RIC1: variants seen among roughly 807,000 people sequenced by gnomAD.
RIC1 encodes guanine nucleotide exchange factor subunit RIC1.
Under a neutral mutation model 169.0 loss-of-function variants are expected in RIC1, and 88 were observed. The ratio of observed to expected loss-of-function variants is 0.52; its 90% CI spans 0.44 to 0.62. The LOEUF (loss-of-function observed/expected upper bound fraction) is 0.62, where lower values mean the gene tolerates loss of function less well. Among genes scored for constraint, RIC1 ranks in the 20% least tolerant of loss-of-function variants. The probability of loss-of-function intolerance (pLI) is 0.00; values close to 1 mark genes in which losing one functional copy is unlikely to be tolerated. For synonymous variants in RIC1, 790 were observed against 601.5 expected (o/e 1.31, Z -4.59); for missense variants, 1,877 against 1,725.5 (o/e 1.09, Z -1.56).
intron 2 of RIC1, among the ~76,000 whole-genome samples, chr9:5,669,570 C>G (rs1280916454): frequency 1.3e-5 from 2 of 152,096 alleles, no homozygotes; most frequent in Non-Finnish European, 2.9e-5. Flanking sequence ...GCCCATATGA[C>G]ATCAAAATTC....
intron 1 of RIC1, among the ~76,000 whole-genome samples, chr9:5,635,586 T>C (rs1297925612): frequency 6.6e-6 from 1 of 152,212 alleles, no homozygotes; most frequent in Non-Finnish European, 1.5e-5. Flanking sequence ...TACTATAGCT[T>C]TGTAATATAC....
chr9:5,759,003 A>C (rs761171504), intron 17 of RIC1, among the ~76,000 whole-genome samples: 2 of 152,084 alleles, frequency 1.3e-5, no homozygotes, highest in African/African-American at 4.8e-5. Context: ...TCGGCCTCCC[A>C]AAGTGCTGGG....
At chr9:5,709,492 A>G (rs1822802988) in intron 3 of RIC1, among the ~76,000 whole-genome samples, 1 of 152,210 alleles carries the variant, frequency 6.6e-6, no homozygotes, top group Non-Finnish European at 1.5e-5. Context: ...TCTCTGAAAA[A>G]GTGGAGATAA....
chr9:5,770,355 C>T (rs535974748), intron 23 of RIC1, 77 bp downstream of exon 23: 1 of 1,225,878 alleles, frequency 8.2e-7, no homozygotes, highest in Non-Finnish European at 1.2e-6. Context: ...AGAGATAGAC[C>T]TTCATTCTTT....
intron 12 of RIC1, among the ~76,000 whole-genome samples, chr9:5,750,400 GGGTATCA>G (rs1408834737): frequency 1.5e-4 from 23 of 151,980 alleles, no homozygotes; most frequent in Admixed American, 1.4e-3. Context: ...AGCACCTACA[GGGTATCA>G]GGCACTATGT....
At chr9:5,730,121 G>A (rs754840663) in intron 6 of RIC1, among the ~76,000 whole-genome samples, 8 of 152,180 alleles carry the variant, frequency 5.3e-5, no homozygotes, top group Admixed American at 4.6e-4. Flanking sequence ...CAGTACCTAT[G>A]TATTAATGGT....
intron 2 of RIC1, among the ~76,000 whole-genome samples, chr9:5,664,580 T>C (rs1819641624): frequency 6.6e-6 from 1 of 152,134 alleles, no homozygotes; most frequent in Admixed American, 6.5e-5. Flanking sequence ...AATCTGATGA[T>C]TATATGTCTT....
In RIC1 at chr9:5,732,396, T is replaced by G. The variant is rs147866755; in HGVS notation, c.729T>G (p.His243Gln). 7 of 1,608,416 alleles carry G rather than the reference T, an allele frequency of 4.4e-6. No homozygotes were observed. The African/African-American group carries it at 9.4e-5, about 22-fold the overall frequency. Residue 243 changes from histidine (H) to glutamine (Q), a missense_variant, in exon 7 of 26, where the codon CAT becomes CAG. By Grantham distance (24) the His-to-Gln change is conservative. This residue lies in a region of RIC1 where 1,104 missense variants were observed against 992.0 expected (regional missense o/e 1.11). Coordinates refer to ENST00000414202, the MANE Select transcript of RIC1 (RefSeq NM_020829.4). ...VSSRFTAEQL[H>Q]GVWPQDVVDG... ...ATTTTTCTTTATTATAGCAGCTTCA[T>G]GGAGTTTGGCCACAAGATGTTGTTG...
chr9:5,727,016 C>G (rs1342273488), intron 6 of RIC1, among the ~76,000 whole-genome samples: 1 of 152,132 alleles, frequency 6.6e-6, no homozygotes, highest in Non-Finnish European at 1.5e-5. Context: ...TTTGGTGAGT[C>G]TGACAATTAT....
intron 12 of RIC1, 23 bp downstream of exon 12, chr9:5,747,528 C>CAG (rs754505612): frequency 9.0e-5 from 141 of 1,574,170 alleles, no homozygotes; most frequent in Non-Finnish European, 1.2e-4. Context: ...TTACTGATTA[C>CAG]TAGAGACTTA....
chr9:5,653,620 C>T (rs751655431), intron 1 of RIC1, among the ~76,000 whole-genome samples: 6 of 149,516 alleles, frequency 4.0e-5, no homozygotes, highest in South Asian at 2.1e-4. Flanking sequence ...TTTTTTGAGA[C>T]GGAGTTTCAC....
At chr9:5,764,727 T>C (rs780601369) in intron 19 of RIC1, among the ~76,000 whole-genome samples, 4 of 152,192 alleles carry the variant, frequency 2.6e-5, no homozygotes, top group Non-Finnish European at 4.4e-5. Flanking sequence ...GTTTTAAAAA[T>C]AGAATCAAAA....
intron 25 of RIC1, among the ~76,000 whole-genome samples, chr9:5,773,561 G>T (rs1827375907): frequency 6.6e-6 from 1 of 152,204 alleles, no homozygotes; most frequent in South Asian, 2.1e-4. Flanking sequence ...GTTAATGTGT[G>T]TATTTGGAGC....
chr9:5,743,983 G>T (rs908025304), intron 10 of RIC1, among the ~76,000 whole-genome samples: 1 of 152,044 alleles, frequency 6.6e-6, no homozygotes, highest in African/African-American at 2.4e-5. Context: ...TTGATTTTTA[G>T]TAGAGACGTG....
At chr9:5,657,451 C>A (rs1312671383) in intron 2 of RIC1, among the ~76,000 whole-genome samples, 1 of 152,044 alleles carries the variant, frequency 6.6e-6, no homozygotes, top group African/African-American at 2.4e-5. Flanking sequence ...TGGATCATCC[C>A]ATTTAATCTT....
intron 6 of RIC1, among the ~76,000 whole-genome samples, chr9:5,729,854 T>G (rs1386895427): frequency 6.6e-6 from 1 of 152,138 alleles, no homozygotes; most frequent in African/African-American, 2.4e-5. Context: ...AAACTCTTTT[T>G]TTTTTCCTAT....
At chr9:5,772,027 A>T (rs1023519269) in intron 23 of RIC1, among the ~76,000 whole-genome samples, 1 of 152,242 alleles carries the variant, frequency 6.6e-6, no homozygotes, top group African/African-American at 2.4e-5. Flanking sequence ...TCCATTAAGT[A>T]TTCAGATTTC....
chr9:5,755,715 G>C (rs1169809630), intron 15 of RIC1, among the ~76,000 whole-genome samples: 3 of 152,144 alleles, frequency 2.0e-5, no homozygotes, highest in Non-Finnish European at 4.4e-5. Context: ...CTGAGGTCAG[G>C]AGTTCAAGAC....
rs1271065420 is a variant in RIC1 at position 5,762,596 on chromosome 9, A to G, written c.2048A>G (p.Gln683Arg). The G allele has an allele frequency of 1.2e-6, 2 of 1,613,984 alleles. No homozygotes were observed. Among genetic ancestry groups the G allele is most frequent in the Non-Finnish European group, 1.7e-6 (2 of 1,179,946 alleles). The change falls in exon 18 of 26, where the codon CAG becomes CGG. Residue 683 changes from glutamine to arginine, a missense_variant. Gln to Arg is a conservative substitution (Grantham distance 43). This residue lies in a region of RIC1 where 1,104 missense variants were observed against 992.0 expected (regional missense o/e 1.11). Coordinates refer to ENST00000414202, the MANE Select transcript of RIC1 (RefSeq NM_020829.4). ...LNLAGQLIMMQRDRSGPQIRE... is the reference protein window; with the variant it reads ...LNLAGQLIMMRRDRSGPQIRE... ...CTGGCAGGACAGCTCATCATGATGC[A>G]GAGGGACAGGTCAGGCCCACAGATC...
Sources: gnomAD v4.1 joint callset for allele counts (sites outside exome capture counted in the v4.1 genomes callset) on GRCh38, gnomAD v4.1.1 for gene constraint, gnomAD v4.1.1 regional missense constraint, MANE v1.5 for transcripts, NCBI Gene and HGNC (gene_info 2026-07-23, HGNC 2026-07-21) for gene names.